Variants in PDLIM1 observed in about 807,000 individuals in gnomAD.
PDLIM1 encodes the protein PDZ and LIM domain 1.
Under a neutral mutation model 35.2 loss-of-function variants are expected in PDLIM1, and 25 were observed. That is an observed-to-expected ratio of 0.71 (90% CI 0.52 to 0.99). PDLIM1 has a LOEUF of 0.99. Among genes scored for constraint, PDLIM1 ranks in the 50% least tolerant of loss-of-function variants. PDLIM1 has a pLI of 0.00. For synonymous variants in PDLIM1, 152 were observed against 154.0 expected, an observed-to-expected ratio of 0.99 and a Z score of 0.10; for missense variants, 363 against 415.3, an observed-to-expected ratio of 0.87 and a Z score of 1.09.
chr10:95,263,740 T>C, intron 4 of PDLIM1, 124 bp downstream of exon 4: 1 of 635,190 alleles, frequency 1.6e-6, no homozygotes, highest in Admixed American at 3.0e-5. Context: ...CACAGAAGTG[T>C]TCTGCTAATG....
chr10:95,248,296 G>T (rs1024070561), intron 4 of PDLIM1, among the ~76,000 whole-genome samples: 1 of 152,226 alleles, frequency 6.6e-6, no homozygotes, highest in Non-Finnish European at 1.5e-5. Flanking sequence ...CCAGGCTGGA[G>T]TACAGTGGTG....
At position 95,237,970 on chromosome 10, in the gene PDLIM1, G is replaced by GAC. The variant is rs759680023; in HGVS notation, c.943_944dup (p.Thr316SerfsTer58). 1.2e-6 allele frequency: 2 copies of GAC among 1,614,070 alleles called. No individual in the cohort carries two copies. The highest frequency in any genetic ancestry group is 1.7e-6 in the Non-Finnish European group (2 of 1,180,040). On this transcript the variant is annotated frameshift_variant, in exon 7 of 7. Coordinates refer to ENST00000329399, the MANE Select transcript of PDLIM1 (RefSeq NM_020992.4). LOFTEE classifies it high-confidence loss of function. ...CCACTTCATAACCCTCAGGTGGTGT[G>GAC]ACTCGCTCCCGGGCATGCTTCTCAC...
At chr10:95,260,927 C>A (rs774067364) in intron 4 of PDLIM1, among the ~76,000 whole-genome samples, 1 of 152,194 alleles carries the variant, frequency 6.6e-6, no homozygotes, top group East Asian at 1.9e-4. Context: ...AAGCTGAGAT[C>A]CCCCCATACA....
At chr10:95,278,370 T>C (rs1371458392) in intron 1 of PDLIM1, among the ~76,000 whole-genome samples, 1 of 152,210 alleles carries the variant, frequency 6.6e-6, no homozygotes, top group South Asian at 2.1e-4. Context: ...CTATTGTTTG[T>C]AGATTCCAGG....
chr10:95,290,291 C>G lies in PDLIM1; in HGVS notation c.96+529G>C, dbSNP rs4917684. Among the ~76,000 whole-genome samples the G allele has an allele frequency of 0.8, 121,246 of 152,104 alleles. 48,592 individuals are homozygous for G. The highest frequency in any genetic ancestry group is 0.9 in the Middle Eastern group (266 of 294). ...CCGAATCCAGCACATTCTCCAAAAG[C>G]CATTCGAGGGGCGAGCCTCGGCCGT... On this transcript the variant is annotated intron_variant, in intron 1 of 6. Transcript: ENST00000329399. The surrounding 1 kb of genome is among the most constrained non-coding windows in gnomAD (Gnocchi z 4.7).
chr10:95,284,493 A>G (rs2035585800), intron 1 of PDLIM1, among the ~76,000 whole-genome samples: 1 of 152,042 alleles, frequency 6.6e-6, no homozygotes, highest in Non-Finnish European at 1.5e-5. Context: ...AGCTGGAACT[A>G]CAGGTGCCTG....
At chr10:95,279,301 G>A (rs573388959) in intron 1 of PDLIM1, among the ~76,000 whole-genome samples, 16 of 152,176 alleles carry the variant, frequency 1.1e-4, no homozygotes, top group African/African-American at 3.9e-4. Context: ...GATCATTCTT[G>A]CAGCTATTAA....
intron 1 of PDLIM1, chr10:95,273,506 C>T (rs538227126): frequency 6.6e-6 from 1 of 152,332 alleles, no homozygotes; most frequent in Non-Finnish European, 1.5e-5. Flanking sequence ...CAAGTTGATC[C>T]TTGAGGTCCC....
intron 4 of PDLIM1, among the ~76,000 whole-genome samples, chr10:95,257,474 C>T (rs753879949): frequency 2.6e-5 from 4 of 151,756 alleles, no homozygotes; most frequent in Non-Finnish European, 5.9e-5. Flanking sequence ...CAACAAAAAA[C>T]AAATAGCTCG....
chr10:95,244,676 G>A (rs1191440497), intron 5 of PDLIM1, among the ~76,000 whole-genome samples: 1 of 152,098 alleles, frequency 6.6e-6, no homozygotes, highest in Non-Finnish European at 1.5e-5. Context: ...CAGGTGGGCA[G>A]ATCACCTGAG....
rs1385064 is a variant in PDLIM1 at position 95,273,258 on chromosome 10, T to C, written c.97-1474A>G. The C allele has an allele frequency of 3.3e-5, 5 of 152,142 alleles. No homozygotes were observed. The South Asian group carries it at 1.0e-3, about 32-fold the overall frequency. The allele number at this position is 152,142 out of a possible 1,614,324, so 9.4% of individuals were successfully genotyped here. A position where few individuals can be genotyped will look rare whatever the true frequency, so the allele number is the denominator to read the frequency against. ...CTGGCCACCCTTTGGAGAAGGCCCT[T>C]GACTCTCGGGATCCAGTTGAGGAAG... On this transcript the variant is annotated intron_variant, in intron 1 of 6. Transcript: ENST00000329399.
intron 5 of PDLIM1, among the ~76,000 whole-genome samples, chr10:95,239,908 C>G: frequency 6.6e-6 from 1 of 152,164 alleles, no homozygotes; most frequent in East Asian, 1.9e-4. Flanking sequence ...CATCACTGAT[C>G]ATTAGAGAAA....
chr10:95,284,526 G>C (rs1332281554), intron 1 of PDLIM1, among the ~76,000 whole-genome samples: 1 of 151,982 alleles, frequency 6.6e-6, no homozygotes. Flanking sequence ...GCTAATTTTT[G>C]AATTTTTAGT....
intron 3 of PDLIM1, among the ~76,000 whole-genome samples, chr10:95,264,831 T>C (rs1181134688): frequency 6.6e-6 from 1 of 151,924 alleles, no homozygotes; most frequent in African/African-American, 2.4e-5. Context: ...TTACTACAGC[T>C]ACAACATCTC....
In PDLIM1 at chr10:95,238,783, G is replaced by A. The variant is rs569343159; in HGVS notation, c.686-98C>T. 1.2e-4 allele frequency: 89 copies of A among 760,008 alleles called. No individual in the cohort carries two copies. The African/African-American group carries it at 1.3e-3, about 11-fold the overall frequency. The allele number at this position is 760,008 out of a possible 1,614,324, so 47.1% of individuals were successfully genotyped here. Reference sequence around the variant, plus strand: ...CACTTATAAATATATGTTCAAGCAAGGCCATGGGAACTGGAGTGACTCTGC... The same window carrying A: ...CACTTATAAATATATGTTCAAGCAAAGCCATGGGAACTGGAGTGACTCTGC... On this transcript the variant is annotated intron_variant, in intron 5 of 6. Transcript: ENST00000329399.
intron 4 of PDLIM1, among the ~76,000 whole-genome samples, chr10:95,250,887 C>T (rs564526096): frequency 1.3e-5 from 2 of 152,298 alleles, no homozygotes; most frequent in South Asian, 2.1e-4. Flanking sequence ...TATTTTAGGA[C>T]GTGACCTGAG....
chr10:95,272,695 T>A (rs1391089950), intron 1 of PDLIM1, among the ~76,000 whole-genome samples: 3 of 151,380 alleles, frequency 2.0e-5, no homozygotes, highest in Admixed American at 1.3e-4. Flanking sequence ...AATAAAAATT[T>A]AAAAAAAAAT....
chr10:95,279,707 A>G (rs2035544074), intron 1 of PDLIM1, among the ~76,000 whole-genome samples: 1 of 152,230 alleles, frequency 6.6e-6, no homozygotes, highest in South Asian at 2.1e-4. Flanking sequence ...ACTAGGGATT[A>G]TAATTTGCCT....
intron 1 of PDLIM1, among the ~76,000 whole-genome samples, chr10:95,283,726 T>G (rs1186740676): frequency 6.6e-6 from 1 of 152,194 alleles, no homozygotes; most frequent in Non-Finnish European, 1.5e-5. Context: ...AAGGATGACA[T>G]GTATACAGCA....
Sources: allele counts gnomAD v4.1 joint callset (sites outside exome capture counted in the v4.1 genomes callset), GRCh38; gene constraint gnomAD v4.1.1; non-coding constraint Gnocchi (gnomAD v3.1); transcripts MANE v1.5; gene names NCBI Gene and HGNC (gene_info 2026-07-23, HGNC 2026-07-21).